The following PHLPP2 variants were observed in gnomAD, a reference collection of about 807,000 sequenced individuals.
PHLPP2 encodes the protein PH domain and leucine rich repeat protein phosphatase 2.
PHLPP2 carries 66 observed loss-of-function variants against 124.9 expected under a neutral mutation model. That is an observed-to-expected ratio of 0.53 (90% CI 0.43 to 0.65). The LOEUF is 0.65. Ranked by LOEUF, PHLPP2 falls within the 30% of genes least tolerant of loss-of-function variation. PHLPP2 has a pLI of 0.00. For synonymous variants in PHLPP2, 681 were observed against 624.7 expected (o/e 1.09, Z -1.34); for missense variants, 1,685 against 1,600.4 (o/e 1.05, Z -0.90).
chr16:71,694,640 T>A (rs1727041733), intron 3 of PHLPP2, among the ~76,000 whole-genome samples: 1 of 151,564 alleles, frequency 6.6e-6, no homozygotes, highest in Non-Finnish European at 1.5e-5. Context: ...TAAATCAATA[T>A]GAAAAAAGAG....
rs59338823 is a variant in PHLPP2 at position 71,708,485 on chromosome 16, C to T, written c.285-5754G>A. ...ATCTCCCTTTGCTGATTCCTTTTTC[C>T]GACTCAGCCCGCCTGCACCCATGTG... On this transcript the variant is annotated intron_variant, in intron 2 of 18. Transcript: ENST00000568954. Among the ~76,000 whole-genome samples, 263 of 152,222 alleles carry T rather than the reference C, an allele frequency of 1.7e-3. 2 individuals are homozygous for T. In the East Asian group the frequency reaches 0.049, roughly 29 times the overall value.
intron 18 of PHLPP2, among the ~76,000 whole-genome samples, chr16:71,651,106 G>A (rs1329909510): frequency 3.9e-5 from 6 of 152,120 alleles, no homozygotes; most frequent in Admixed American, 1.3e-4. Flanking sequence ...TTGGGAGGCC[G>A]AGGTGGACGG....
intron 10 of PHLPP2, among the ~76,000 whole-genome samples, chr16:71,671,882 C>A (rs2044896543): frequency 6.6e-6 from 1 of 151,910 alleles, no homozygotes; most frequent in African/African-American, 2.4e-5. Context: ...CCACTGCACT[C>A]CAGCCTGGCC....
rs149895528 is a variant in PHLPP2, at chr16:71,679,517, G to A, written c.909C>T (p.Gly303=). The change falls in exon 7 of 19, where the codon GGC becomes GGT. Residue 303 remains glycine (G), a synonymous_variant. Coordinates refer to ENST00000568954, the MANE Select transcript of PHLPP2 (RefSeq NM_015020.3). ...CAAGTTTATTATGGGACAAGTTCAG[G>A]CCCTTCAGTTGAGAAAATCTAAAGA... ...DTLYKFSQLK[G]LNLSHNKLGL... The A allele has an allele frequency of 9.5e-4, 1,541 of 1,613,994 alleles. 10 individuals are homozygous for A. The African/African-American group carries it at 0.017, about 18-fold the overall frequency.
At chr16:71,660,633 T>C (rs929249125) in intron 13 of PHLPP2, among the ~76,000 whole-genome samples, 2 of 151,970 alleles carry the variant, frequency 1.3e-5, no homozygotes, top group Non-Finnish European at 2.9e-5. Flanking sequence ...CTCGATCTCC[T>C]GACCTCGTGA....
At chr16:71,684,377 C>T (rs2045032644) in intron 5 of PHLPP2, 99 bp downstream of exon 5, 18 of 1,205,570 alleles carry the variant, frequency 1.5e-5, no homozygotes, top group East Asian at 2.4e-5. Context: ...CCGTCCACCT[C>T]GGCCTCCCAA....
chr16:71,694,582 A>G (rs2045149837), intron 3 of PHLPP2, among the ~76,000 whole-genome samples: 1 of 152,226 alleles, frequency 6.6e-6, no homozygotes, highest in Non-Finnish European at 1.5e-5. Flanking sequence ...TTGAGTCACA[A>G]ATATAGTACC....
At chr16:71,681,592 G>A (rs2044998942) in intron 6 of PHLPP2, among the ~76,000 whole-genome samples, 159 bp downstream of exon 6, 1 of 152,152 alleles carries the variant, frequency 6.6e-6, no homozygotes, top group Admixed American at 6.5e-5. Context: ...TGGGGGGAAA[G>A]GGCAGGTAGG....
Position 71,646,675 on chromosome 16 carries a change from CTGT to C in PHLPP2, c.*2212_*2214del. On this transcript the variant is annotated 3_prime_UTR_variant, in exon 19 of 19. Coordinates refer to ENST00000568954, the MANE Select transcript of PHLPP2 (RefSeq NM_015020.3). ...TTTTACATCACTCATCACTATCATC[CTGT>C]TATTTCATTTTCATTTTTTCTTCAT... 1 of 117,816 alleles carries C rather than the reference CTGT, an allele frequency of 8.5e-6. No individual in the cohort carries two copies. Among genetic ancestry groups the C allele is most frequent in the Non-Finnish European group, 2.0e-5 (1 of 51,096 alleles). The allele number at this position is 117,816 out of a possible 1,614,324, so 7.3% of individuals were successfully genotyped here. A position where few individuals can be genotyped will look rare whatever the true frequency, so the allele number is the denominator to read the frequency against.
intron 8 of PHLPP2, chr16:71,676,873 C>G: frequency 2.1e-6 from 1 of 485,278 alleles, no homozygotes; most frequent in East Asian, 3.9e-5. Context: ...TTCAGCCTCC[C>G]AAGTTGCTGG....
chr16:71,676,907 C>G (rs1211868695), intron 8 of PHLPP2: 1 of 412,010 alleles, frequency 2.4e-6, no homozygotes, highest in African/African-American at 2.0e-5. Flanking sequence ...CCCACCATGC[C>G]AGGCTAATTT....
chr16:71,657,204 A>G (rs11647873), intron 15 of PHLPP2, among the ~76,000 whole-genome samples: 75,322 of 151,446 alleles, frequency 0.5, 18,997 homozygotes, highest in Middle Eastern at 0.65. Context: ...CGGCCTCCCA[A>G]AGTGCTGGGA....
At chr16:71,695,481 G>A (rs1306192554) in intron 3 of PHLPP2, among the ~76,000 whole-genome samples, 1 of 152,184 alleles carries the variant, frequency 6.6e-6, no homozygotes. Flanking sequence ...GGCCAAGGCC[G>A]TCGGATCACC....
intron 12 of PHLPP2, among the ~76,000 whole-genome samples, chr16:71,665,605 G>A (rs1802794120): frequency 6.6e-6 from 1 of 152,104 alleles, no homozygotes; most frequent in Admixed American, 6.5e-5. Flanking sequence ...TAGCTTTTAA[G>A]CTAATGGCAG....
intron 13 of PHLPP2, among the ~76,000 whole-genome samples, chr16:71,661,860 G>T (rs1032910187): frequency 1.3e-5 from 2 of 151,854 alleles, no homozygotes; most frequent in Non-Finnish European, 2.9e-5. Flanking sequence ...GTCTTGCTCC[G>T]TTGCCAGGTT....
At chr16:71,719,404 G>A (rs2045383224) in intron 1 of PHLPP2, among the ~76,000 whole-genome samples, 1 of 152,134 alleles carries the variant, frequency 6.6e-6, no homozygotes, top group Non-Finnish European at 1.5e-5. Flanking sequence ...CGGGGGTGGT[G>A]GCACGCATGC....
Position 71,645,653 on chromosome 16 carries a change from G to C in PHLPP2, c.*3237C>G, listed in dbSNP as rs2044648436. Reference sequence around the variant, plus strand: ...CACACCCAACTGGCTCCATCTCCTGGAAAACAGCACTCACTACAAGCAACT... The same window carrying C: ...CACACCCAACTGGCTCCATCTCCTGCAAAACAGCACTCACTACAAGCAACT... On this transcript the variant is annotated 3_prime_UTR_variant, in exon 19 of 19. Coordinates refer to ENST00000568954, the MANE Select transcript of PHLPP2 (RefSeq NM_015020.3). The C allele has an allele frequency of 6.5e-6, 1 of 153,250 alleles. No individual in the cohort carries two copies. Among genetic ancestry groups the C allele is most frequent in the Non-Finnish European group, 1.5e-5 (1 of 68,060 alleles). 9.5% of individuals were successfully genotyped at this position (153,250 alleles called of 1,614,324 possible). A position where few individuals can be genotyped will look rare whatever the true frequency, so the allele number is the denominator to read the frequency against.
intron 4 of PHLPP2, among the ~76,000 whole-genome samples, chr16:71,690,285 C>G (rs2045097075): frequency 1.3e-5 from 2 of 152,160 alleles, no homozygotes; most frequent in Admixed American, 1.3e-4. Context: ...CTATTGTGAG[C>G]CCCAGAATCT....
chr16:71,721,346 G>A (rs1211055890), intron 1 of PHLPP2, among the ~76,000 whole-genome samples: 2 of 152,216 alleles, frequency 1.3e-5, no homozygotes, highest in African/African-American at 2.4e-5. Flanking sequence ...GCTGGGTGCA[G>A]TGGCTCATGC....
Sources: gnomAD v4.1 joint callset for allele counts (sites outside exome capture counted in the v4.1 genomes callset) on GRCh38, gnomAD v4.1.1 for gene constraint, MANE v1.5 for transcripts, NCBI Gene and HGNC (gene_info 2026-07-23, HGNC 2026-07-21) for gene names.